The following GRIK2 variants were observed in gnomAD, a reference collection of about 807,000 sequenced individuals.
GRIK2 encodes the protein glutamate ionotropic receptor kainate type subunit 2.
GRIK2 carries 32 observed loss-of-function variants against 100.3 expected under a neutral mutation model. That is an observed-to-expected ratio of 0.32 (90% CI 0.24 to 0.43). The LOEUF (loss-of-function observed/expected upper bound fraction) is 0.43. GRIK2 is among the 20% of genes least tolerant of loss of function. The pLI, the probability that GRIK2 is intolerant of heterozygous loss-of-function variation, is 1.00. For synonymous variants in GRIK2, 417 were observed against 389.4 expected (o/e 1.07, Z -0.83); for missense variants, 843 against 1,114.9 (o/e 0.76, Z 3.47).
chr6:101,548,028 G>C (rs1776331582), intron 2 of GRIK2, among the ~76,000 whole-genome samples: 1 of 151,862 alleles, frequency 6.6e-6, no homozygotes, highest in African/African-American at 2.4e-5. Context: ...GGTGTGAGAT[G>C]GTATCTCATT....
chr6:101,901,900 T>C (rs970395896), intron 12 of GRIK2, among the ~76,000 whole-genome samples: 4 of 152,002 alleles, frequency 2.6e-5, no homozygotes, highest in Non-Finnish European at 4.4e-5. Context: ...ATACATTTAA[T>C]AGCATATTAT....
intron 10 of GRIK2, among the ~76,000 whole-genome samples, chr6:101,843,356 C>T (rs564425258): frequency 1.8e-4 from 28 of 152,158 alleles, no homozygotes; most frequent in Admixed American, 5.9e-4. Context: ...TTGCTCCACA[C>T]TTTTCTTCAC....
intron 2 of GRIK2, among the ~76,000 whole-genome samples, chr6:101,402,683 TAG>T (rs1361880056): frequency 6.6e-6 from 1 of 152,154 alleles, no homozygotes; most frequent in Non-Finnish European, 1.5e-5. Context: ...AGGTGCATTT[TAG>T]AGAGTCAGTT....
intron 14 of GRIK2, among the ~76,000 whole-genome samples, chr6:101,949,822 C>T (rs549352967): frequency 6.6e-6 from 1 of 152,216 alleles, no homozygotes; most frequent in South Asian, 2.1e-4. Context: ...CATGAGTGTA[C>T]ATGTGTCTTT....
chr6:101,996,464 A>G (rs1325277032), intron 14 of GRIK2, among the ~76,000 whole-genome samples: 1 of 152,094 alleles, frequency 6.6e-6, no homozygotes, highest in African/African-American at 2.4e-5. Flanking sequence ...TAACCAAAAA[A>G]ATGCCAAAAA....
intron 13 of GRIK2, chr6:101,927,380 A>G (rs1209753953): frequency 1.2e-5 from 4 of 343,132 alleles, no homozygotes; most frequent in Non-Finnish European, 4.1e-6. Context: ...AAACACAAAT[A>G]AAATTAAGTA....
intron 15 of GRIK2, among the ~76,000 whole-genome samples, chr6:102,039,727 C>T (rs899115740): frequency 2.6e-5 from 4 of 151,416 alleles, no homozygotes; most frequent in African/African-American, 7.3e-5. Context: ...CTCAGCAGTC[C>T]GTGAGCTGGT....
chr6:101,473,736 G>A (rs943580942), intron 2 of GRIK2, among the ~76,000 whole-genome samples: 10 of 151,698 alleles, frequency 6.6e-5, no homozygotes, highest in African/African-American at 2.4e-4. Flanking sequence ...GGTGCCCTTA[G>A]GTTTGTAACA....
Position 101,925,917 on chromosome 6 carries a change from A to T in GRIK2, c.1867+1198A>T, listed in dbSNP as rs116191259. On this transcript the variant is annotated intron_variant, in intron 13 of 16. Transcript: ENST00000369134. Reference sequence around the variant, plus strand: ...TCCTAAAGTGAAAATACATAACTACATGTCAAAAGAAAAAGTTTAATTTAC... The same window carrying T: ...TCCTAAAGTGAAAATACATAACTACTTGTCAAAAGAAAAAGTTTAATTTAC... Among the ~76,000 whole-genome samples the T allele has an allele frequency of 4.8e-3, 725 of 152,086 alleles. 3 individuals are homozygous for T. The highest frequency in any genetic ancestry group is 0.015 in the African/African-American group (643 of 41,550).
chr6:101,957,354 A>G (rs1424257197), intron 14 of GRIK2, among the ~76,000 whole-genome samples: 1 of 151,792 alleles, frequency 6.6e-6, no homozygotes, highest in Non-Finnish European at 1.5e-5. Flanking sequence ...TTTGTCTTAT[A>G]GAGTTGTTTG....
chr6:101,484,289 A>G (rs1371428577), intron 2 of GRIK2, among the ~76,000 whole-genome samples: 1 of 152,144 alleles, frequency 6.6e-6, no homozygotes, highest in African/African-American at 2.4e-5. Flanking sequence ...TCCAAAGGGA[A>G]AACTATCCTG....
intron 4 of GRIK2, among the ~76,000 whole-genome samples, chr6:101,662,351 TTGTTTC>T (rs1294781312): frequency 6.6e-6 from 1 of 152,220 alleles, no homozygotes; most frequent in African/African-American, 2.4e-5. Context: ...TCGCTTCTCC[TTGTTTC>T]TGTTTCTAAG....
At chr6:101,856,155 T>A (rs898968593) in intron 10 of GRIK2, among the ~76,000 whole-genome samples, 8 of 152,116 alleles carry the variant, frequency 5.3e-5, no homozygotes, top group Non-Finnish European at 5.9e-5. Flanking sequence ...TTTCAAGTAG[T>A]AGTGGGGAGG....
chr6:101,403,699 T>C (rs1282473938), intron 2 of GRIK2, among the ~76,000 whole-genome samples: 1 of 152,178 alleles, frequency 6.6e-6, no homozygotes, highest in Non-Finnish European at 1.5e-5. Flanking sequence ...TTGAAAGAGA[T>C]TTTTCCTCCT....
chr6:101,654,788 C>G (rs1781979848), intron 4 of GRIK2, among the ~76,000 whole-genome samples: 1 of 152,156 alleles, frequency 6.6e-6, no homozygotes, highest in Admixed American at 6.6e-5. Flanking sequence ...TGTCTACCTG[C>G]TGAACCATTT....
intron 4 of GRIK2, among the ~76,000 whole-genome samples, chr6:101,671,829 A>G (rs1204409820): frequency 6.6e-6 from 1 of 152,116 alleles, no homozygotes; most frequent in Non-Finnish European, 1.5e-5. Flanking sequence ...GCGCAATTGC[A>G]CTCCAGCCTG....
At chr6:102,005,838 G>C (rs1253071548) in intron 14 of GRIK2, among the ~76,000 whole-genome samples, 1 of 151,970 alleles carries the variant, frequency 6.6e-6, no homozygotes, top group Non-Finnish European at 1.5e-5. Flanking sequence ...AGTTTTGGAG[G>C]CTGGAAGTTC....
At chr6:101,532,703 A>G (rs1446685161) in intron 2 of GRIK2, among the ~76,000 whole-genome samples, 1 of 151,628 alleles carries the variant, frequency 6.6e-6, no homozygotes. Context: ...ACACACATAC[A>G]TATATGTATA....
intron 10 of GRIK2, among the ~76,000 whole-genome samples, chr6:101,849,199 A>G (rs1227674342): frequency 6.6e-6 from 1 of 151,998 alleles, no homozygotes. Context: ...GGAAAATTCA[A>G]GTAAAGCATG....
Sources: gnomAD v4.1 joint callset for allele counts (sites outside exome capture counted in the v4.1 genomes callset) on GRCh38, gnomAD v4.1.1 for gene constraint, MANE v1.5 for transcripts, NCBI Gene and HGNC (gene_info 2026-07-23, HGNC 2026-07-21) for gene names.